AKT1: variants seen among roughly 807,000 people sequenced by gnomAD.
The protein encoded by AKT1 is AKT serine/threonine kinase 1, also known as RAC-alpha serine/threonine-protein kinase.
Under a neutral mutation model 63.1 loss-of-function variants are expected in AKT1, and 21 were observed. That is an observed-to-expected ratio of 0.33 (90% confidence interval 0.24 to 0.48). AKT1 has a LOEUF of 0.48. Among genes scored for constraint, AKT1 ranks in the 20% least tolerant of loss-of-function variants. The pLI is 0.99. For synonymous variants in AKT1, 257 were observed against 253.1 expected (o/e 1.02, Z -0.15); for missense variants, 382 against 666.0 (o/e 0.57, Z 4.69).
intron 9 of AKT1, 74 bp downstream of exon 9, chr14:104,773,838 C>T (rs1892544501): frequency 6.9e-7 from 1 of 1,457,346 alleles, no homozygotes. Context: ...GTAGCCGAGG[C>T]TCCGGGAAGG....
rs570078246 is a variant in AKT1, at chr14:104,772,558, G to A, written c.1173-106C>T. On this transcript the variant is annotated intron_variant, in intron 12 of 14. Coordinates refer to ENST00000649815, the MANE Select transcript of AKT1 (RefSeq NM_001382430.1). ...TAGGGCCCGCCAGACAGGACGTTCC[G>A]GGGCCAGGGAGGGGAGCCGGTGGTG... The A allele has an allele frequency of 1.2e-4, 138 of 1,170,802 alleles. No homozygotes were observed. In the African/African-American group the frequency reaches 1.4e-3, roughly 12 times the overall value. The allele number at this position is 1,170,802 out of a possible 1,614,324, so 72.5% of individuals were successfully genotyped here.
At chr14:104,787,535 C>T (rs894550758) in intron 3 of AKT1, among the ~76,000 whole-genome samples, 2 of 152,254 alleles carry the variant, frequency 1.3e-5, no homozygotes, top group African/African-American at 4.8e-5. Flanking sequence ...TGTGCCCAGG[C>T]AGAGGGGACG....
In AKT1 at chr14:104,769,450, G is replaced by A. The variant is rs190605178; in HGVS notation, c.*891C>T. ...GAATGTTGTAAAAAAACGCCGTGGT[G>A]CAGCGGCAGCGGCAGCGTCTGGCCA... On this transcript the variant is annotated 3_prime_UTR_variant, in exon 15 of 15. Coordinates refer to ENST00000649815, the MANE Select transcript of AKT1 (RefSeq NM_001382430.1). The A allele has an allele frequency of 8.5e-5, 37 of 436,944 alleles. No individual in the cohort carries two copies. Among genetic ancestry groups the A allele is most frequent in the Admixed American group, 1.9e-4 (5 of 26,434 alleles). 27.1% of individuals were successfully genotyped at this position (436,944 alleles called of 1,614,324 possible).
At position 104,782,941 on chromosome 14, in the gene AKT1, C is replaced by T. The variant is rs183479426; in HGVS notation, c.47-2725G>A. 2.0e-4 allele frequency among the ~76,000 whole-genome samples: 31 copies of T among 152,236 alleles called. No homozygotes were observed. The East Asian group carries it at 5.6e-3, about 28-fold the overall frequency. ...GTGGCGCGCATCTTAACGAGTTCAGCCCAGACAGGATGCTGGGTGGGCGGC... is the reference window on the plus strand; with the variant it reads ...GTGGCGCGCATCTTAACGAGTTCAGTCCAGACAGGATGCTGGGTGGGCGGC... On this transcript the variant is annotated intron_variant, in intron 3 of 14. Transcript: ENST00000649815.
At chr14:104,782,825 G>A (rs901361017) in intron 3 of AKT1, among the ~76,000 whole-genome samples, 1 of 152,120 alleles carries the variant, frequency 6.6e-6, no homozygotes, top group Non-Finnish European at 1.5e-5. Flanking sequence ...CGGGGTAAGG[G>A]GTCCAGAGAC....
chr14:104,783,612 G>A (rs1893188825), intron 3 of AKT1, among the ~76,000 whole-genome samples: 1 of 151,244 alleles, frequency 6.6e-6, no homozygotes, highest in South Asian at 2.1e-4. Context: ...CCTCACTCCA[G>A]ACGGGTACAG....
At position 104,769,774 on chromosome 14, in the gene AKT1, T is replaced by G. The variant is rs1892272069; in HGVS notation, c.*567A>C. 1 of 389,106 alleles carries G rather than the reference T, an allele frequency of 2.6e-6. No individual in the cohort carries two copies. Among genetic ancestry groups the G allele is most frequent in the Non-Finnish European group, 4.8e-6 (1 of 206,990 alleles). The allele number at this position is 389,106 out of a possible 1,614,324, so 24.1% of individuals were successfully genotyped here. A position where few individuals can be genotyped will look rare whatever the true frequency, so the allele number is the denominator to read the frequency against. Reference sequence around the variant, plus strand: ...TAAACCCTGGCCCATCCCCCATCCCTGGTCCCATCCCAGGGGCCCAGCCTC... The same window carrying G: ...TAAACCCTGGCCCATCCCCCATCCCGGGTCCCATCCCAGGGGCCCAGCCTC... On this transcript the variant is annotated 3_prime_UTR_variant, in exon 15 of 15. Transcript: ENST00000649815.
rs968504950 is a variant in AKT1, at chr14:104,795,536, G to C, written c.-310C>G. On this transcript the variant is annotated 5_prime_UTR_variant, in exon 1 of 15. Coordinates refer to ENST00000649815, the MANE Select transcript of AKT1 (RefSeq NM_001382430.1). The surrounding 1 kb of genome is among the most constrained non-coding windows in gnomAD (Gnocchi z 5.1). The stretch of plus-strand genomic sequence containing the variant: ...GGGCCTAGCCGGGCCGCGGCCTCCG[G>C]CGCCCGCCGCTCCGCATCCCCGCGG... 6.9e-6 allele frequency: 1 copy of C among 145,818 alleles called. No individual in the cohort carries two copies. Among genetic ancestry groups the C allele is most frequent in the African/African-American group, 2.5e-5 (1 of 40,720 alleles). 9.0% of individuals were successfully genotyped at this position (145,818 alleles called of 1,614,324 possible).
At chr14:104,777,753 G>A (rs577525869) in intron 4 of AKT1, 8 of 985,534 alleles carry the variant, frequency 8.1e-6, no homozygotes, top group Non-Finnish European at 9.6e-6. Flanking sequence ...CAGCATCGAG[G>A]CCCTGGCAAC....
Position 104,773,439 on chromosome 14 carries a change from C to A in AKT1, c.828+16G>T, listed in dbSNP as rs1892513772. On this transcript the variant is annotated intron_variant, in intron 10 of 14. Transcript: ENST00000649815. ...GGCCCCCAGGGCCCTGCCCCCCTGC[C>A]TGCCCGCCAGCGCACCTTGAGGTCC... 1 of 1,613,980 alleles carries A rather than the reference C, an allele frequency of 6.2e-7. No homozygotes were observed. The highest frequency in any genetic ancestry group is 8.5e-7 in the Non-Finnish European group (1 of 1,179,890).
At chr14:104,787,587 A>C (rs1465495339) in intron 3 of AKT1, among the ~76,000 whole-genome samples, 12 of 152,234 alleles carry the variant, frequency 7.9e-5, no homozygotes, top group Non-Finnish European at 1.5e-4. Flanking sequence ...AGCCTCGTGC[A>C]GGACTTCTAG....
Position 104,775,649 on chromosome 14 carries a change from C to CA in AKT1, c.435+2dup. The CA allele has an allele frequency of 1.2e-6, 2 of 1,613,782 alleles. No homozygotes were observed. The highest frequency in any genetic ancestry group is 1.7e-6 in the Non-Finnish European group (2 of 1,179,860). On this transcript the variant is annotated splice_region_variant and intron_variant, in intron 6 of 14. Transcript: ENST00000649815. ...CACAGGCAGAAGTGGGGACAGGCCTCACCACGCGGTGCTTGGGCTTGGCCA... is the reference window on the plus strand; with the variant it reads ...CACAGGCAGAAGTGGGGACAGGCCTCAACCACGCGGTGCTTGGGCTTGGCCA...
chr14:104,792,697 G>C lies in AKT1; in HGVS notation c.-54C>G. ...CGCTCCTCTCAGGCTGGCGCTCCCCGAGCCCAGCTGGCCTGGCCACAGCCT... is the reference window on the plus strand; with the variant it reads ...CGCTCCTCTCAGGCTGGCGCTCCCCCAGCCCAGCTGGCCTGGCCACAGCCT... On this transcript the variant is annotated 5_prime_UTR_variant, in exon 3 of 15. Coordinates refer to ENST00000649815, the MANE Select transcript of AKT1 (RefSeq NM_001382430.1). 1.3e-6 allele frequency: 2 copies of C among 1,594,950 alleles called. No individual in the cohort carries two copies. The highest frequency in any genetic ancestry group is 1.1e-5 in the South Asian group (1 of 90,908).
chr14:104,774,005 G>A (rs373287251), intron 8 of AKT1, 25 bp from the exon 9 acceptor site: 30 of 1,606,052 alleles, frequency 1.9e-5, no homozygotes, highest in Non-Finnish European at 2.4e-5. Context: ...AGCTGGAACT[G>A]CGGCCCCACA....
At chr14:104,776,821 G>C (rs1892742033) in intron 4 of AKT1, 51 bp from the exon 5 acceptor site, 1 of 1,534,828 alleles carries the variant, frequency 6.5e-7, no homozygotes, top group African/African-American at 1.4e-5. Context: ...CCCCTCCCAG[G>C]GCCCTCACCA....
At chr14:104,773,724 A>G (rs1892539380) in intron 9 of AKT1, 144 bp from the exon 10 acceptor site, 1 of 1,331,214 alleles carries the variant, frequency 7.5e-7, no homozygotes, top group East Asian at 2.5e-5. Flanking sequence ...GGAAAGTCTC[A>G]GAAGCCCTAA....
intron 5 of AKT1, chr14:104,776,127 A>G (rs1595246674): frequency 4.5e-6 from 1 of 223,842 alleles, no homozygotes; most frequent in East Asian, 1.2e-4. Flanking sequence ...TCCGCCCCCC[A>G]AGGAGGACTG....
chr14:104,782,792 G>A (rs1392343661), intron 3 of AKT1, among the ~76,000 whole-genome samples: 1 of 152,158 alleles, frequency 6.6e-6, no homozygotes, highest in African/African-American at 2.4e-5. Context: ...CCCTCCAGGG[G>A]AGGAGCAGGA....
chr14:104,774,188 C>T (rs1307083604), intron 8 of AKT1: 4 of 549,424 alleles, frequency 7.3e-6, no homozygotes, highest in Admixed American at 5.5e-5. Flanking sequence ...CACTGCCCCA[C>T]ACCATACACC....
Sources: allele counts gnomAD v4.1 joint callset (sites outside exome capture counted in the v4.1 genomes callset), GRCh38; gene constraint gnomAD v4.1.1; non-coding constraint Gnocchi (gnomAD v3.1); transcripts MANE v1.5; gene names NCBI Gene and HGNC (gene_info 2026-07-23, HGNC 2026-07-21).